SPTBN4: variants seen among roughly 807,000 people sequenced by gnomAD.
SPTBN4 encodes spectrin beta, non-erythrocytic 4.
In SPTBN4, 96 loss-of-function variants were observed where a neutral mutation model predicts 277.8. The observed-to-expected ratio is 0.35, with a 90% CI of 0.29 to 0.41. The LOEUF is 0.41. Among genes scored for constraint, SPTBN4 ranks in the 10% least tolerant of loss-of-function variants. The pLI is 1.00. For missense variants in SPTBN4, 3,006 were observed against 3,595.7 expected (o/e 0.84, Z 4.19); for synonymous variants, 1,481 against 1,580.3 (o/e 0.94, Z 1.49).
rs1555813682 is a variant in SPTBN4 at position 40,504,135 on chromosome 19, G to T, written c.1665+3G>T. ...TGGACTGGATGGAGGAGATGCAGGT[G>T]CCGGCGGGGGGGCGGGGATGCGGGT... On this transcript the variant is annotated splice_donor_region_variant and intron_variant, in intron 12 of 35. Transcript: ENST00000598249. 1 of 1,442,990 alleles carries T rather than the reference G, an allele frequency of 6.9e-7. No homozygotes were observed. The allele number at this position is 1,442,990 out of a possible 1,614,324, so 89.4% of individuals were successfully genotyped here.
rs375982712 is a variant in SPTBN4 at position 40,495,008 on chromosome 19, G to A, written c.668+31G>A. 34 of 1,602,766 alleles carry A rather than the reference G, an allele frequency of 2.1e-5. No individual in the cohort carries two copies. In the African/African-American group the frequency reaches 4.3e-4, roughly 20 times the overall value. On this transcript the variant is annotated intron_variant, in intron 6 of 35. Transcript: ENST00000598249. ...ACCTGGCCTGGGACAGCCCAGTCCT[G>A]CCCTTCAGCCCCCCATATCCCTGCA...
At position 40,529,119 on chromosome 19, in the gene SPTBN4, A is replaced by C. The variant is rs1279159773; in HGVS notation, c.3936A>C (p.Arg1312=). Residue 1312 remains arginine, a synonymous_variant, in exon 18 of 36, where the codon CGA becomes CGC. Transcript: ENST00000598249. ...HDQLELQHFL[R]DCHELDGWIH... ...AACTTGAGCTGCAGCACTTCCTCCGAGACTGCCACGAGGTAGGAACTCCAG... is the reference window on the plus strand; with the variant it reads ...AACTTGAGCTGCAGCACTTCCTCCGCGACTGCCACGAGGTAGGAACTCCAG... 3.7e-6 allele frequency: 6 copies of C among 1,613,934 alleles called. No individual in the cohort carries two copies. The highest frequency in any genetic ancestry group is 3.4e-6 in the Non-Finnish European group (4 of 1,179,848).
intron 20 of SPTBN4, among the ~76,000 whole-genome samples, chr19:40,544,006 C>A (rs814514): frequency 2.6e-5 from 4 of 151,900 alleles, no homozygotes; most frequent in African/African-American, 9.7e-5. Context: ...TTCTCATCCC[C>A]TCCCCCAGTA....
Position 40,504,148 on chromosome 19 carries a change from C to CCCCCCCCCCA in SPTBN4, c.1665+16_1665+17insCCCCCCCCCA. On this transcript the variant is annotated intron_variant, in intron 12 of 35. Transcript: ENST00000598249. ...GGAGATGCAGGTGCCGGCGGGGGGG[C>CCCCCCCCCCA]GGGGATGCGGGTGGAGTGCCAGGAG... 6.2e-6 allele frequency: 4 copies of CCCCCCCCCCA among 645,742 alleles called. No homozygotes were observed. Among genetic ancestry groups the CCCCCCCCCCA allele is most frequent in the Non-Finnish European group, 8.5e-6 (4 of 471,370 alleles). 40.0% of individuals were successfully genotyped at this position (645,742 alleles called of 1,614,324 possible).
chr19:40,519,714 C>T lies in SPTBN4; in HGVS notation c.3217C>T (p.Leu1073=), dbSNP rs1464178186. ...AEELGAEWGA[L]ASAAQACGEA... is the part of the protein sequence containing the mutation. The stretch of plus-strand genomic sequence containing the variant: ...GGAGCTGGGCGCCGAGTGGGGCGCG[C>T]TAGCTAGCGCGGCTCAGGCCTGCGG... Residue 1073 remains leucine (L), a synonymous_variant, in exon 16 of 36, where the codon CTA becomes TTA. Transcript: ENST00000598249. The surrounding 1 kb of genome is among the most constrained non-coding windows in gnomAD (Gnocchi z 5.7). 3 of 1,390,488 alleles carry T rather than the reference C, an allele frequency of 2.2e-6. No individual in the cohort carries two copies. Among genetic ancestry groups the T allele is most frequent in the Non-Finnish European group, 2.8e-6 (3 of 1,083,854 alleles). The allele number at this position is 1,390,488 out of a possible 1,614,324, so 86.1% of individuals were successfully genotyped here. A position where few individuals can be genotyped will look rare whatever the true frequency, so the allele number is the denominator to read the frequency against.
intron 16 of SPTBN4, among the ~76,000 whole-genome samples, chr19:40,521,573 A>G (rs775790868): frequency 3.2e-4 from 49 of 152,028 alleles, no homozygotes; most frequent in Admixed American, 1.8e-3. Context: ...TTGTGTTCCT[A>G]TGAGAATGTA....
chr19:40,573,672 G>A (rs546698605), intron 35 of SPTBN4, among the ~76,000 whole-genome samples: 7 of 151,814 alleles, frequency 4.6e-5, no homozygotes, highest in Admixed American at 2.0e-4. Context: ...CTCTTATGGT[G>A]CATGCCTGTA....
rs548738613 is a variant in SPTBN4 at position 40,569,652 on chromosome 19, C to T, written c.6957-5C>T. The T allele has an allele frequency of 6.2e-7, 1 of 1,612,368 alleles. No individual in the cohort carries two copies. Among genetic ancestry groups the T allele is most frequent in the Non-Finnish European group, 8.5e-7 (1 of 1,179,414 alleles). On this transcript the variant is annotated splice_region_variant and splice_polypyrimidine_tract_variant and intron_variant, in intron 31 of 35. Coordinates refer to ENST00000598249, the MANE Select transcript of SPTBN4 (RefSeq NM_020971.3). Reference sequence around the variant, plus strand: ...CACTGGGTCTTTCTGTCCCCCATCCCCCAGGAAGGCCACCCTGGCTGACAT... The same window carrying T: ...CACTGGGTCTTTCTGTCCCCCATCCTCCAGGAAGGCCACCCTGGCTGACAT...
At chr19:40,553,147 G>A (rs2080937236) in intron 22 of SPTBN4, among the ~76,000 whole-genome samples, 1 of 152,190 alleles carries the variant, frequency 6.6e-6, no homozygotes, top group African/African-American at 2.4e-5. Context: ...CTCTTACTTA[G>A]CAAAGCACCT....
At chr19:40,574,464 C>T (rs896837140) in intron 35 of SPTBN4, among the ~76,000 whole-genome samples, 4 of 151,522 alleles carry the variant, frequency 2.6e-5, no homozygotes, top group African/African-American at 4.8e-5. Flanking sequence ...CGGGTTCAAG[C>T]GACTCTCCTG....
At position 40,502,411 on chromosome 19, in the gene SPTBN4, A is replaced by T. The variant is rs750835070; in HGVS notation, c.1107A>T (p.Leu369=). The change falls in exon 10 of 36, where the codon CTA becomes CTT. Residue 369 remains leucine (L), a synonymous_variant. Coordinates refer to ENST00000598249, the MANE Select transcript of SPTBN4 (RefSeq NM_020971.3). The surrounding 1 kb of genome is among the most constrained non-coding windows in gnomAD (Gnocchi z 4.9). ...KPVKFQEKGN[L]EVLLFSIQSK... ...TCAGGTTCCAGGAGAAGGGGAACCT[A>T]GAGGTGCTGCTCTTCAGCATCCAGA... The T allele has an allele frequency of 1.2e-6, 2 of 1,613,092 alleles. No homozygotes were observed. Among genetic ancestry groups the T allele is most frequent in the South Asian group, 2.2e-5 (2 of 91,060 alleles).
At chr19:40,499,589 G>T (rs528044359) in intron 7 of SPTBN4, among the ~76,000 whole-genome samples, 3 of 151,678 alleles carry the variant, frequency 2.0e-5, no homozygotes, top group African/African-American at 7.3e-5. Flanking sequence ...TAGAGGTGGG[G>T]TCTCGCTATG....
Position 40,513,565 on chromosome 19 carries a change from A to T in SPTBN4, c.2765+11A>T. The stretch of plus-strand genomic sequence containing the variant: ...GGTGGTGCAGCACCGGTGAGCGCGC[A>T]CATGTGGGACTCCGGGGTCCCCTTC... On this transcript the variant is annotated intron_variant, in intron 14 of 35. Transcript: ENST00000598249. 6.5e-7 allele frequency: 1 copy of T among 1,539,618 alleles called. No homozygotes were observed. The highest frequency in any genetic ancestry group is 2.4e-5 in the East Asian group (1 of 41,150).
At chr19:40,478,146 A>C (rs776381351) in intron 2 of SPTBN4, among the ~76,000 whole-genome samples, 24 of 152,126 alleles carry the variant, frequency 1.6e-4, no homozygotes, top group Non-Finnish European at 3.2e-4. Flanking sequence ...GGCAGAAGCC[A>C]GCTCTTAAAG....
rs772316267 is a variant in SPTBN4 at position 40,557,217 on chromosome 19, G to A, written c.5484G>A (p.Gln1828=). 6.2e-7 allele frequency: 1 copy of A among 1,611,332 alleles called. No individual in the cohort carries two copies. The highest frequency in any genetic ancestry group is 1.7e-5 in the Admixed American group (1 of 59,872). ...TGGAGCTCATGGGCACACGGGCCCA[G>A]CTGCTGGCCGCCTCTCGGGAGCTTC... ...ELLELMGTRA[Q]LLAASRELHK... is the part of the protein sequence containing the mutation. The change falls in exon 26 of 36, where the codon CAG becomes CAA. Residue 1828 remains glutamine (Q), a synonymous_variant. Transcript: ENST00000598249.
chr19:40,572,273 A>C, intron 34 of SPTBN4, 65 bp from the exon 35 acceptor site: 1 of 1,607,568 alleles, frequency 6.2e-7, no homozygotes. Context: ...CCTGGGGGAC[A>C]CTTGGTGGGC....
At chr19:40,481,774 C>CCTAAACTTTATTAT (rs1568760256) in intron 2 of SPTBN4, among the ~76,000 whole-genome samples, 1 of 151,998 alleles carries the variant, frequency 6.6e-6, no homozygotes, top group East Asian at 1.9e-4. Flanking sequence ...CCATGCCCAG[C>CCTAAACTTTATTAT]TGATGGTCAG....
chr19:40,492,356 G>A (rs533683642), intron 4 of SPTBN4, among the ~76,000 whole-genome samples: 3 of 152,122 alleles, frequency 2.0e-5, no homozygotes, highest in Admixed American at 2.0e-4. Context: ...CAGTGGTTAT[G>A]GGTCCAGGAC....
At chr19:40,530,669 G>C in intron 18 of SPTBN4, 3 of 733,294 alleles carry the variant, frequency 4.1e-6, no homozygotes, top group Non-Finnish European at 5.0e-6. Flanking sequence ...GCGCGTGCCC[G>C]CCCGTCGTGG....
Sources: allele counts gnomAD v4.1 joint callset (sites outside exome capture counted in the v4.1 genomes callset), GRCh38; gene constraint gnomAD v4.1.1; non-coding constraint Gnocchi (gnomAD v3.1); transcripts MANE v1.5; gene names NCBI Gene and HGNC (gene_info 2026-07-23, HGNC 2026-07-21).